CACNA2D2: variants seen among roughly 807,000 people sequenced by gnomAD.
CACNA2D2 encodes calcium voltage-gated channel auxiliary subunit alpha2delta 2.
CACNA2D2 carries 48 observed loss-of-function variants against 166.4 expected under a neutral mutation model. The ratio of observed to expected loss-of-function variants is 0.29; its 90% confidence interval spans 0.23 to 0.37. CACNA2D2 has a LOEUF of 0.37. Ranked by LOEUF, CACNA2D2 falls within the 10% of genes least tolerant of loss-of-function variation. The pLI is 1.00. For synonymous variants in CACNA2D2, 561 were observed against 573.7 expected (o/e 0.98, Z 0.32); for missense variants, 1,122 against 1,433.0 (o/e 0.78, Z 3.50).
At chr3:50,438,232 C>T (rs1291168674) in intron 2 of CACNA2D2, among the ~76,000 whole-genome samples, 1 of 152,148 alleles carries the variant, frequency 6.6e-6, no homozygotes, top group East Asian at 1.9e-4. Flanking sequence ...CCCCTTGTTT[C>T]ATGTACTGGT....
At chr3:50,475,968 G>C (rs1234240538) in intron 2 of CACNA2D2, 150 bp downstream of exon 2, 1 of 659,150 alleles carries the variant, frequency 1.5e-6, no homozygotes, top group East Asian at 2.8e-5. Context: ...TGCCCATCCA[G>C]TCATGTCCCA....
chr3:50,365,973 C>T lies in CACNA2D2; in HGVS notation c.2862+38G>A, dbSNP rs376047122. 6 of 1,608,818 alleles carry T rather than the reference C, an allele frequency of 3.7e-6. No homozygotes were observed. In the African/African-American group the frequency reaches 5.3e-5, roughly 14 times the overall value. On this transcript the variant is annotated intron_variant, in intron 32 of 37. Coordinates refer to ENST00000424201, the MANE Select transcript of CACNA2D2 (RefSeq NM_006030.4). The surrounding 1 kb of genome is among the most constrained non-coding windows in gnomAD (Gnocchi z 4.5). ...GTCATCTGTGGGCAGGTCTCCCAGT[C>T]CCCCCCATCTCCAGTCCAGGCATCT...
chr3:50,456,333 G>T (rs1403847266), intron 2 of CACNA2D2, among the ~76,000 whole-genome samples: 1 of 152,182 alleles, frequency 6.6e-6, no homozygotes, highest in African/African-American at 2.4e-5. Flanking sequence ...AGTGGGGGAG[G>T]GGAGAGGCTC....
rs1262173906 is a variant in CACNA2D2 at position 50,448,688 on chromosome 3, C to T, written c.289-14259G>A. On this transcript the variant is annotated intron_variant, in intron 2 of 37. Coordinates refer to ENST00000424201, the MANE Select transcript of CACNA2D2 (RefSeq NM_006030.4). Reference sequence around the variant, plus strand: ...TGCTCAAGTACAGCACACAGTAGGTCTCAGGGAACATCTGTGTGTGTGCAC... The same window carrying T: ...TGCTCAAGTACAGCACACAGTAGGTTTCAGGGAACATCTGTGTGTGTGCAC... 2.0e-5 allele frequency among the ~76,000 whole-genome samples: 3 copies of T among 152,264 alleles called. No homozygotes were observed. The East Asian group carries it at 5.8e-4, about 29-fold the overall frequency.
chr3:50,486,625 G>T (rs1440707650), intron 1 of CACNA2D2, among the ~76,000 whole-genome samples: 4 of 152,074 alleles, frequency 2.6e-5, no homozygotes, highest in Admixed American at 6.5e-5. Flanking sequence ...TTTGTTCTCT[G>T]GGCTTGTCCT....
At chr3:50,390,983 AGTGCCAGCTC>A (rs1705860439) in intron 4 of CACNA2D2, among the ~76,000 whole-genome samples, 1 of 152,246 alleles carries the variant, frequency 6.6e-6, no homozygotes, top group Non-Finnish European at 1.5e-5. Flanking sequence ...GCCCTGGCCT[AGTGCCAGCTC>A]AGCCTGGCCA....
intron 3 of CACNA2D2, among the ~76,000 whole-genome samples, chr3:50,421,907 C>G (rs1282082736): frequency 6.6e-5 from 10 of 152,142 alleles, no homozygotes; most frequent in South Asian, 2.1e-4. Flanking sequence ...CTGGCTGCCT[C>G]CTGGGGAGGT....
In CACNA2D2 at chr3:50,388,344, G is replaced by A. The variant is rs1443265155; in HGVS notation, c.466-732C>T. On this transcript the variant is annotated intron_variant, in intron 4 of 37. Transcript: ENST00000424201. ...GAGGCCGCCAGAAGGTGAGCCCGGT[G>A]TCAGCCAAGTGCCATTGGCTCAGGA... 2.6e-5 allele frequency among the ~76,000 whole-genome samples: 4 copies of A among 152,244 alleles called. No homozygotes were observed. The East Asian group carries it at 5.8e-4, about 22-fold the overall frequency.
chr3:50,461,796 A>G (rs1489688407), intron 2 of CACNA2D2, among the ~76,000 whole-genome samples: 1 of 150,846 alleles, frequency 6.6e-6, no homozygotes, highest in African/African-American at 2.5e-5. Flanking sequence ...AAGGAAGGAA[A>G]GAAAAAATGT....
At chr3:50,425,051 G>C (rs1030253644) in intron 3 of CACNA2D2, among the ~76,000 whole-genome samples, 7 of 152,142 alleles carry the variant, frequency 4.6e-5, no homozygotes, top group Non-Finnish European at 1.0e-4. Flanking sequence ...AGAAAGTGGG[G>C]CCAGAGAAGT....
intron 3 of CACNA2D2, among the ~76,000 whole-genome samples, chr3:50,399,624 G>T (rs888654817): frequency 6.6e-6 from 1 of 152,182 alleles, no homozygotes; most frequent in African/African-American, 2.4e-5. Context: ...CTCACGAGAA[G>T]TAGATTCTCC....
intron 2 of CACNA2D2, among the ~76,000 whole-genome samples, chr3:50,439,064 C>G (rs1193414654): frequency 6.6e-6 from 1 of 152,262 alleles, no homozygotes; most frequent in African/African-American, 2.4e-5. Context: ...GCGGTTTGAA[C>G]TGGGTCGAAT....
intron 4 of CACNA2D2, among the ~76,000 whole-genome samples, chr3:50,387,886 C>T (rs1319091761): frequency 6.6e-6 from 1 of 152,214 alleles, no homozygotes; most frequent in Non-Finnish European, 1.5e-5. Flanking sequence ...GCCAAGTGTC[C>T]TGGGCTGCAG....
chr3:50,380,116 C>T lies in CACNA2D2; in HGVS notation c.843-98G>A. ...ATTGATTCAATACATTTCTCTTGAG[C>T]ATGCACTGTGTGGGCCAGGCAGGGT... is the stretch of plus-strand genomic sequence containing the variant. On this transcript the variant is annotated intron_variant, in intron 8 of 37. Coordinates refer to ENST00000424201, the MANE Select transcript of CACNA2D2 (RefSeq NM_006030.4). This position sits in a 1 kb window ranked among gnomAD's most constrained non-coding sequence, Gnocchi z 4.9. 2.4e-6 allele frequency: 3 copies of T among 1,268,696 alleles called. No individual in the cohort carries two copies. The highest frequency in any genetic ancestry group is 2.3e-6 in the Non-Finnish European group (2 of 877,438). 78.6% of individuals were successfully genotyped at this position (1,268,696 alleles called of 1,614,324 possible).
rs1575621496 is a variant in CACNA2D2, at chr3:50,394,151, T to C, written c.423A>G (p.Ala141=). Residue 141 remains alanine (A), a synonymous_variant, in exon 4 of 38, where the codon GCA becomes GCG. Transcript: ENST00000424201. ...AGCGGTGTGCTTTCTGGAAGTTCTC[T>C]GCAGCATCAGCCAGTCTCTGAGGGA... ...VQALKRLADA[A]ENFQKAHRWQ... is the part of the protein sequence containing the mutation. 1.2e-6 allele frequency: 2 copies of C among 1,614,128 alleles called. No individual in the cohort carries two copies. Among genetic ancestry groups the C allele is most frequent in the Non-Finnish European group, 1.7e-6 (2 of 1,179,992 alleles).
chr3:50,445,608 G>A (rs1264787989), intron 2 of CACNA2D2, among the ~76,000 whole-genome samples: 1 of 152,130 alleles, frequency 6.6e-6, no homozygotes, highest in East Asian at 1.9e-4. Flanking sequence ...AAACAAACAG[G>A]ACCAAGACAC....
In CACNA2D2 at chr3:50,375,656, C is replaced by T. The variant is rs1172417254; in HGVS notation, c.1895G>A (p.Ser632Asn). 1 of 1,613,126 alleles carries T rather than the reference C, an allele frequency of 6.2e-7. No individual in the cohort carries two copies. Among genetic ancestry groups the T allele is most frequent in the Admixed American group, 1.7e-5 (1 of 60,004 alleles). ...TGGCCTCACTTACCTGTAGTTAGTG[C>T]TCCTTATAGGCACCCAGGTGTAGTT... ...TRNYTWVPIR[S>N]TNYSLGLVLP... The change falls in exon 21 of 38, where the codon AGC (serine) becomes AAC (asparagine). Residue 632 changes from serine to asparagine, a missense_variant. Transcript: ENST00000424201. The surrounding 1 kb of genome is among the most constrained non-coding windows in gnomAD (Gnocchi z 4.0).
In CACNA2D2 at chr3:50,379,323, C is replaced by T; in HGVS notation, c.1152+109G>A. 1 of 1,477,654 alleles carries T rather than the reference C, an allele frequency of 6.8e-7. No homozygotes were observed. The highest frequency in any genetic ancestry group is 1.8e-5 in the Admixed American group (1 of 54,708). The allele number at this position is 1,477,654 out of a possible 1,614,324, so 91.5% of individuals were successfully genotyped here. ...CCCACAGCAGATGGAGCTATCTGTCCAAGCTGCCTGTTTGGTGCTAACGAG... is the reference window on the plus strand; with the variant it reads ...CCCACAGCAGATGGAGCTATCTGTCTAAGCTGCCTGTTTGGTGCTAACGAG... On this transcript the variant is annotated intron_variant, in intron 11 of 37. Coordinates refer to ENST00000424201, the MANE Select transcript of CACNA2D2 (RefSeq NM_006030.4). The surrounding 1 kb of genome is among the most constrained non-coding windows in gnomAD (Gnocchi z 6.5).
At position 50,374,791 on chromosome 3, in the gene CACNA2D2, A is replaced by G; in HGVS notation, c.1930T>C (p.Tyr644His). 1.3e-6 allele frequency: 2 copies of G among 1,595,262 alleles called. No homozygotes were observed. The highest frequency in any genetic ancestry group is 1.1e-5 in the South Asian group (1 of 87,962). Residue 644 changes from tyrosine to histidine, a missense_variant, in exon 22 of 38, where the codon TAC (tyrosine) becomes CAC (histidine). Coordinates refer to ENST00000424201, the MANE Select transcript of CACNA2D2 (RefSeq NM_006030.4). Reference sequence around the variant, plus strand: ...TTGGCTTGGAGGTAGAAGGTGCTGTAGGGTGGGAGCACCAGCCCCAGGCTG... The same window carrying G: ...TTGGCTTGGAGGTAGAAGGTGCTGTGGGGTGGGAGCACCAGCCCCAGGCTG... Reference protein sequence around the residue: ...NYSLGLVLPPYSTFYLQANLS... With the variant: ...NYSLGLVLPPHSTFYLQANLS...
Sources: gnomAD v4.1 joint callset for allele counts (sites outside exome capture counted in the v4.1 genomes callset) on GRCh38, gnomAD v4.1.1 for gene constraint, Gnocchi (gnomAD v3.1) non-coding constraint, MANE v1.5 for transcripts, NCBI Gene and HGNC (gene_info 2026-07-23, HGNC 2026-07-21) for gene names.